Variants in ANKRD30A observed in about 807,000 individuals in gnomAD.
ANKRD30A encodes the protein ankyrin repeat domain 30A, also known as ankyrin repeat domain-containing protein 30A.
Under a neutral mutation model 166.3 loss-of-function variants are expected in ANKRD30A, and 170 were observed. The observed-to-expected ratio is 1.02, with a 90% CI of 0.90 to 1.16. The LOEUF (loss-of-function observed/expected upper bound fraction) is 1.16. Among genes scored for constraint, ANKRD30A ranks in the 50% most tolerant of loss-of-function variants. The pLI is 0.00. For missense variants in ANKRD30A, 1,630 were observed against 1,518.0 expected, an observed-to-expected ratio of 1.07 and a Z score of -1.23; for synonymous variants, 564 against 508.9, an observed-to-expected ratio of 1.11 and a Z score of -1.46.
chr10:37,197,475 G>T lies in ANKRD30A; in HGVS notation c.2711G>T (p.Arg904Ile). 6.2e-7 allele frequency: 1 copy of T among 1,612,234 alleles called. No individual in the cohort carries two copies. Among genetic ancestry groups the T allele is most frequent in the Non-Finnish European group, 8.5e-7 (1 of 1,179,652 alleles). ...ALELKNEQTL[R>I]ADQMFPSESK... ...GAATTGAAGAATGAACAAACATTGAGAGCAGGTACATTTTTCAATGTAACT... is the reference window on the plus strand; with the variant it reads ...GAATTGAAGAATGAACAAACATTGATAGCAGGTACATTTTTCAATGTAACT... The change falls in exon 29 of 36, where the codon AGA becomes ATA. Residue 904 changes from arginine to isoleucine, a missense_variant. Arg to Ile is a moderately conservative substitution (Grantham distance 97). This residue lies in a region of ANKRD30A where 712 missense variants were observed against 629.3 expected (regional missense o/e 1.13). Transcript: ENST00000361713.
the ANKRD30A span, among the ~76,000 whole-genome samples, chr10:37,262,144 A>G: frequency 6.6e-6 from 1 of 152,210 alleles, no homozygotes; most frequent in Non-Finnish European, 1.5e-5. Flanking sequence ...GGTGATTAGC[A>G]GATTTCCCCA....
chr10:37,128,120 A>G (rs1354390155), intron 1 of ANKRD30A, among the ~76,000 whole-genome samples: 1 of 152,088 alleles, frequency 6.6e-6, no homozygotes, highest in Non-Finnish European at 1.5e-5. Context: ...ACTGAGGGTA[A>G]AGTTCAGTTT....
At chr10:37,248,296 T>A in the ANKRD30A span, 6 of 474,482 alleles carry the variant, frequency 1.3e-5, no homozygotes, top group Non-Finnish European at 2.5e-5. Flanking sequence ...CTTCCACTGT[T>A]CAGTTCTGGT....
chr10:37,219,298 G>A lies in ANKRD30A; in HGVS notation c.3586G>A (p.Glu1196Lys). Reference sequence around the variant, plus strand: ...CAAAGAAATACTAGAGGCAGAAATTGAATCACACCATCCTAGACTGGCTTC... The same window carrying A: ...CAAAGAAATACTAGAGGCAGAAATTAAATCACACCATCCTAGACTGGCTTC... ...QDKEILEAEIESHHPRLASAV... is the reference protein window; with the variant it reads ...QDKEILEAEIKSHHPRLASAV... Residue 1196 changes from glutamate (E) to lysine (K), a missense_variant, in exon 34 of 36, where the codon GAA (glutamate) becomes AAA (lysine). Physicochemically the swap from Glu to Lys is moderately conservative, Grantham distance 56 (BLOSUM62 1). Transcript: ENST00000361713. 1 of 1,610,348 alleles carries A rather than the reference G, an allele frequency of 6.2e-7. No individual in the cohort carries two copies. The highest frequency in any genetic ancestry group is 1.1e-5 in the South Asian group (1 of 90,972).
the ANKRD30A span, among the ~76,000 whole-genome samples, chr10:37,249,354 A>G: frequency 3.0e-4 from 46 of 152,234 alleles, no homozygotes; most frequent in Admixed American, 2.4e-3. Context: ...TGGATTATTT[A>G]TGGCAATCCA....
intron 15 of ANKRD30A, among the ~76,000 whole-genome samples, 176 bp from the exon 16 acceptor site, chr10:37,162,473 C>T (rs1336001238): frequency 6.6e-6 from 1 of 152,118 alleles, no homozygotes; most frequent in African/African-American, 2.4e-5. Flanking sequence ...ATATTTTCTT[C>T]AGTGTATTCT....
At chr10:37,245,770 C>A in the ANKRD30A span, among the ~76,000 whole-genome samples, 1 of 152,026 alleles carries the variant, frequency 6.6e-6, no homozygotes, top group Admixed American at 6.6e-5. Context: ...GGGAAAGAGT[C>A]TGCTTCCAAG....
intron 31 of ANKRD30A, among the ~76,000 whole-genome samples, chr10:37,211,991 T>TTC (rs1171828799): frequency 7.8e-4 from 118 of 152,182 alleles, no homozygotes; most frequent in African/African-American, 2.8e-3. Flanking sequence ...CCACTCCTAT[T>TTC]CAACATAGTG....
intron 9 of ANKRD30A, 116 bp downstream of exon 9, chr10:37,147,573 A>C (rs928655890): frequency 2.1e-5 from 12 of 577,996 alleles, no homozygotes; most frequent in Admixed American, 1.9e-4. Flanking sequence ...AACATCGAAA[A>C]GAGAGGAGTA....
chr10:37,218,037 T>C (rs556527284), intron 33 of ANKRD30A, among the ~76,000 whole-genome samples, 159 bp downstream of exon 33: 44 of 151,166 alleles, frequency 2.9e-4, no homozygotes, highest in African/African-American at 9.2e-4. Flanking sequence ...TTATTTATTA[T>C]AAGTTATGAC....
intron 7 of ANKRD30A, among the ~76,000 whole-genome samples, chr10:37,143,030 A>G (rs1480758189): frequency 6.6e-6 from 1 of 152,226 alleles, no homozygotes; most frequent in Non-Finnish European, 1.5e-5. Context: ...ATCTTCCTGT[A>G]ACATTTTATT....
chr10:37,197,797 T>C (rs556406142), intron 29 of ANKRD30A, among the ~76,000 whole-genome samples: 16 of 152,304 alleles, frequency 1.1e-4, no homozygotes, highest in East Asian at 5.8e-4. Context: ...CTTTTTTTAG[T>C]TCTTCGAAGC....
chr10:37,179,641 T>A (rs2486127), intron 24 of ANKRD30A, among the ~76,000 whole-genome samples: 35 of 146,468 alleles, frequency 2.4e-4, no homozygotes, highest in Non-Finnish European at 6.1e-5. Context: ...GCTGAACTCT[T>A]ATCCGAACTG....
At chr10:37,226,521 C>T (rs188912113) in intron 34 of ANKRD30A, among the ~76,000 whole-genome samples, 140 of 151,838 alleles carry the variant, frequency 9.2e-4, no homozygotes, top group Middle Eastern at 6.8e-3. Flanking sequence ...CAAGTATCAG[C>T]ACTTAATTTC....
chr10:37,234,208 C>T (rs553372896), downstream of ANKRD30A, among the ~76,000 whole-genome samples: 6 of 152,188 alleles, frequency 3.9e-5, no homozygotes, highest in East Asian at 7.7e-4. Context: ...TAGATAACTA[C>T]GTATACTTTT....
chr10:37,193,959 GAA>G (rs1840829162), intron 27 of ANKRD30A, among the ~76,000 whole-genome samples: 1 of 152,146 alleles, frequency 6.6e-6, no homozygotes, highest in South Asian at 2.1e-4. Context: ...GTTTGGGAGA[GAA>G]AGGCAGACAG....
At chr10:37,214,888 T>TCTCTC (rs1160086843) in intron 31 of ANKRD30A, among the ~76,000 whole-genome samples, 1 of 151,464 alleles carries the variant, frequency 6.6e-6, no homozygotes, top group Non-Finnish European at 1.5e-5. Context: ...TTTTTTTCTG[T>TCTCTC]CTCTCCTCCT....
chr10:37,219,379 T>C lies in ANKRD30A; in HGVS notation c.3667T>C (p.Phe1223Leu). Residue 1223 changes from phenylalanine (F) to leucine (L), a missense_variant, in exon 34 of 36, where the codon TTC (phenylalanine) becomes CTC (leucine). Phe to Leu is a conservative substitution (Grantham distance 22, BLOSUM62 0). Around this residue, in one of 4 missense-constraint regions of ANKRD30A, gnomAD observed 712 missense variants for 629.3 expected, o/e 1.13. Coordinates refer to ENST00000361713, the MANE Select transcript of ANKRD30A (RefSeq NM_052997.3). ...ATCAAGAAAAAGTCAAGAACCTGCTTTCCACATTGCAGGAGATGCTTGTTT... is the reference window on the plus strand; with the variant it reads ...ATCAAGAAAAAGTCAAGAACCTGCTCTCCACATTGCAGGAGATGCTTGTTT... ...VTSRKSQEPA[F>L]HIAGDACLQR... 6.2e-7 allele frequency: 1 copy of C among 1,610,604 alleles called. No individual in the cohort carries two copies. Among genetic ancestry groups the C allele is most frequent in the South Asian group, 1.1e-5 (1 of 91,002 alleles).
intron 18 of ANKRD30A, among the ~76,000 whole-genome samples, chr10:37,166,233 A>G (rs1211013261): frequency 6.6e-6 from 1 of 152,178 alleles, no homozygotes; most frequent in African/African-American, 2.4e-5. Flanking sequence ...CCAGGCAAGT[A>G]GCAAATGCGT....
Sources: gnomAD v4.1 joint callset for allele counts (sites outside exome capture counted in the v4.1 genomes callset) on GRCh38, gnomAD v4.1.1 for gene constraint, gnomAD v4.1.1 regional missense constraint, MANE v1.5 for transcripts, NCBI Gene and HGNC (gene_info 2026-07-23, HGNC 2026-07-21) for gene names.